The following IKZF3 variants were observed in gnomAD, a reference collection of about 807,000 sequenced individuals.
IKZF3 encodes the protein zinc finger protein Aiolos.
Under a neutral mutation model 49.0 loss-of-function variants are expected in IKZF3, and 10 were observed. That is an observed-to-expected ratio of 0.20 (90% CI 0.13 to 0.35). The LOEUF is 0.35. Among genes scored for constraint, IKZF3 ranks in the 10% least tolerant of loss-of-function variants. The probability of loss-of-function intolerance (pLI) is 1.00; values close to 1 mark genes in which losing one functional copy is unlikely to be tolerated. For synonymous variants in IKZF3, 209 were observed against 228.2 expected, an observed-to-expected ratio of 0.92 and a Z score of 0.76; for missense variants, 498 against 664.8, an observed-to-expected ratio of 0.75 and a Z score of 2.76.
chr17:39,774,291 C>T (rs972216152), intron 7 of IKZF3, among the ~76,000 whole-genome samples: 3 of 152,048 alleles, frequency 2.0e-5, no homozygotes, highest in African/African-American at 7.2e-5. Flanking sequence ...TTACCCATTG[C>T]CATTACCCTG....
chr17:39,842,489 G>T (rs1467098161), intron 1 of IKZF3, among the ~76,000 whole-genome samples: 1 of 152,210 alleles, frequency 6.6e-6, no homozygotes, highest in African/African-American at 2.4e-5. Flanking sequence ...AAGCAAGGAA[G>T]TGCTCACAGA....
rs78561855 is a variant in IKZF3, at chr17:39,785,536, T to C, written c.709+2722A>G. Reference sequence around the variant, plus strand: ...AAATATTACTTTTGATACTTTTCCTTATTTGAAATTCCTAAAAAAGGTTGT... The same window carrying C: ...AAATATTACTTTTGATACTTTTCCTCATTTGAAATTCCTAAAAAAGGTTGT... On this transcript the variant is annotated intron_variant, in intron 6 of 7. Transcript: ENST00000346872. Among the ~76,000 whole-genome samples the C allele has an allele frequency of 6.8e-3, 1,036 of 152,270 alleles. 13 individuals are homozygous for C. Among genetic ancestry groups the C allele is most frequent in the African/African-American group, 0.024 (991 of 41,548 alleles).
At chr17:39,802,221 C>CAAA (rs56029512) in intron 3 of IKZF3, among the ~76,000 whole-genome samples, 60 of 54,386 alleles carry the variant, frequency 1.1e-3, no homozygotes, top group African/African-American at 1.8e-3. Flanking sequence ...GACTCCATCT[C>CAAA]AAAAAAAAAA....
At chr17:39,793,288 C>A (rs988279188) in intron 3 of IKZF3, among the ~76,000 whole-genome samples, 1 of 152,120 alleles carries the variant, frequency 6.6e-6, no homozygotes, top group Admixed American at 6.5e-5. Context: ...AGATCTAGTA[C>A]TGTTTTTGGT....
At chr17:39,842,043 A>AAAAAAAAAAAAAAAAAAG (rs2062484382) in intron 1 of IKZF3, among the ~76,000 whole-genome samples, 1 of 144,704 alleles carries the variant, frequency 6.9e-6, no homozygotes, top group African/African-American at 2.6e-5. Flanking sequence ...AGCAAAAAAA[A>AAAAAAAAAAAAAAAAAAG]AAAAAAAAAA....
At chr17:39,824,985 G>A (rs34640000) in intron 3 of IKZF3, among the ~76,000 whole-genome samples, 8,687 of 152,116 alleles carry the variant, frequency 0.057, 380 homozygotes, top group African/African-American at 0.12. Context: ...GTGAGCCACC[G>A]CACCTGGCCA....
At chr17:39,854,136 AC>A (rs751220982) in intron 1 of IKZF3, among the ~76,000 whole-genome samples, 4 of 152,222 alleles carry the variant, frequency 2.6e-5, no homozygotes, top group Non-Finnish European at 5.9e-5. Flanking sequence ...AAACAAAAAA[AC>A]AAAGTCCCAA....
chr17:39,765,886 G>A lies in IKZF3; in HGVS notation c.1434C>T (p.Asp478=), dbSNP rs770528654. 1.2e-6 allele frequency: 2 copies of A among 1,614,244 alleles called. No individual in the cohort carries two copies. Among genetic ancestry groups the A allele is most frequent in the South Asian group, 2.2e-5 (2 of 91,088 alleles). ...TIHMGCHGFR[D]PFECNMCGYR... ...ATCCACACATGTTACACTCGAAAGG[G>A]TCACGGAAGCCGTGGCAGCCCATGT... Residue 478 remains aspartate, a synonymous_variant, in exon 8 of 8, where the codon GAC becomes GAT. Transcript: ENST00000346872.
At chr17:39,780,389 G>T (rs1360270850) in intron 6 of IKZF3, among the ~76,000 whole-genome samples, 1 of 151,870 alleles carries the variant, frequency 6.6e-6, no homozygotes, top group Middle Eastern at 3.2e-3. Context: ...TTGAAACAGG[G>T]TCTCAACTCT....
chr17:39,797,740 T>C (rs191044361), intron 3 of IKZF3, among the ~76,000 whole-genome samples: 56 of 152,220 alleles, frequency 3.7e-4, no homozygotes, highest in African/African-American at 1.3e-3. Context: ...TCCTATTTCT[T>C]CAATGAAAAT....
At chr17:39,799,565 G>T (rs13313573) in intron 3 of IKZF3, among the ~76,000 whole-genome samples, 8,660 of 152,156 alleles carry the variant, frequency 0.057, 376 homozygotes, top group African/African-American at 0.12. Flanking sequence ...TTCTGCAACC[G>T]CCTGGGAGCT....
chr17:39,796,034 G>T (rs768467895), intron 3 of IKZF3, among the ~76,000 whole-genome samples: 1 of 151,732 alleles, frequency 6.6e-6, no homozygotes. Flanking sequence ...AGAGCGAGAC[G>T]CCATCTCAAA....
At chr17:39,836,073 A>G in intron 1 of IKZF3, 1 of 656,054 alleles carries the variant, frequency 1.5e-6, no homozygotes, top group South Asian at 1.6e-5. Flanking sequence ...CTGCTGCTTC[A>G]GGAACCGCGA....
Position 39,765,953 on chromosome 17 carries a change from T to C in IKZF3, c.1367A>G (p.His456Arg). The change falls in exon 8 of 8, where the codon CAC (histidine) becomes CGC (arginine). Residue 456 changes from histidine to arginine, a missense_variant. His to Arg is a conservative substitution (Grantham distance 29). Coordinates refer to ENST00000346872, the MANE Select transcript of IKZF3 (RefSeq NM_012481.5). ...ATAGTCCAGGAAGAGGACGCGGCAG[T>C]GGTCACACCGATACACATCCATCAC... ...GEVMDVYRCD[H>R]CRVLFLDYVM... The C allele has an allele frequency of 1.2e-6, 2 of 1,614,220 alleles. No individual in the cohort carries two copies. Among genetic ancestry groups the C allele is most frequent in the Non-Finnish European group, 1.7e-6 (2 of 1,180,038 alleles).
rs560854650 is a variant in IKZF3, at chr17:39,777,760, C to T, written c.717G>A (p.Ala239=). 31 of 1,612,126 alleles carry T rather than the reference C, an allele frequency of 1.9e-5. No homozygotes were observed. Among genetic ancestry groups the T allele is most frequent in the South Asian group, 1.9e-4 (17 of 90,772 alleles). ...QSTDPGDTAS[A]EARHIKAEMG... The stretch of plus-strand genomic sequence containing the variant: ...TCTCTGCTTTGATGTGTCTTGCCTC[C>T]GCACTTGCTAGTTTGGAAAAATGTA... Residue 239 remains alanine, a synonymous_variant, in exon 7 of 8, where the codon GCG becomes GCA. Transcript: ENST00000346872.
intron 7 of IKZF3, among the ~76,000 whole-genome samples, chr17:39,767,969 C>T (rs1341549018): frequency 6.6e-6 from 1 of 151,972 alleles, no homozygotes; most frequent in Admixed American, 6.6e-5. Flanking sequence ...GGAGGATCAC[C>T]TGAGCCTGGG....
rs1222242127 is a variant in IKZF3, at chr17:39,759,171, T to C, written c.*6619A>G. ...TGCCTCACGCCTGTAACCCCAACACTTTGGGAGGCTGAGGTGGGCAGATTA... is the reference window on the plus strand; with the variant it reads ...TGCCTCACGCCTGTAACCCCAACACCTTGGGAGGCTGAGGTGGGCAGATTA... On this transcript the variant is annotated 3_prime_UTR_variant, in exon 8 of 8. Transcript: ENST00000346872. 6.6e-6 allele frequency: 1 copy of C among 151,934 alleles called. No homozygotes were observed. Among genetic ancestry groups the C allele is most frequent in the Non-Finnish European group, 1.5e-5 (1 of 68,016 alleles). The allele number at this position is 151,934 out of a possible 1,614,324, so 9.4% of individuals were successfully genotyped here. A position where few individuals can be genotyped will look rare whatever the true frequency, so the allele number is the denominator to read the frequency against.
intron 1 of IKZF3, among the ~76,000 whole-genome samples, chr17:39,844,293 A>G (rs771684044): frequency 8.1e-4 from 124 of 152,186 alleles, no homozygotes; most frequent in Middle Eastern, 6.3e-3. Context: ...TGATGGAAGA[A>G]TCTTGGAGTG....
At chr17:39,827,796 A>G (rs1372058348) in intron 3 of IKZF3, among the ~76,000 whole-genome samples, 1 of 152,254 alleles carries the variant, frequency 6.6e-6, no homozygotes, top group Non-Finnish European at 1.5e-5. Flanking sequence ...AACAATGGGC[A>G]AAGAGCTATC....
Sources: gnomAD v4.1 joint callset for allele counts (sites outside exome capture counted in the v4.1 genomes callset) on GRCh38, gnomAD v4.1.1 for gene constraint, MANE v1.5 for transcripts, NCBI Gene and HGNC (gene_info 2026-07-23, HGNC 2026-07-21) for gene names.